The following DPP10 variants were observed in gnomAD, a reference collection of about 807,000 sequenced individuals.
The protein encoded by DPP10 is dipeptidyl peptidase like 10, also known as inactive dipeptidyl peptidase 10.
DPP10 carries 33 observed loss-of-function variants against 120.9 expected under a neutral mutation model. The observed-to-expected ratio is 0.27, with a 90% CI of 0.21 to 0.37. The LOEUF is 0.37. Among genes scored for constraint, DPP10 ranks in the 10% least tolerant of loss-of-function variants. DPP10 has a pLI of 1.00. For missense variants in DPP10, 816 were observed against 942.8 expected (o/e 0.87, Z 1.76); for synonymous variants, 337 against 326.1 (o/e 1.03, Z -0.36).
At chr2:115,137,253 T>C (rs2050693985) in intron 1 of DPP10, among the ~76,000 whole-genome samples, 1 of 152,164 alleles carries the variant, frequency 6.6e-6, no homozygotes, top group Non-Finnish European at 1.5e-5. Flanking sequence ...AATAAATAAA[T>C]AGAACTTTAG....
chr2:115,399,112 CTT>C (rs1031158316), intron 3 of DPP10, among the ~76,000 whole-genome samples: 5 of 152,114 alleles, frequency 3.3e-5, no homozygotes, highest in African/African-American at 4.8e-5. Context: ...GGTACCACCT[CTT>C]GTTTCATTGC....
chr2:115,159,789 T>C (rs1375705465), intron 1 of DPP10, among the ~76,000 whole-genome samples: 1 of 152,180 alleles, frequency 6.6e-6, no homozygotes, highest in East Asian at 1.9e-4. Flanking sequence ...TCTTTATTTG[T>C]AATGAAGTGG....
chr2:114,661,981 G>T (rs1477739533), intron 1 of DPP10, among the ~76,000 whole-genome samples: 2 of 151,298 alleles, frequency 1.3e-5, no homozygotes, highest in East Asian at 3.9e-4. Flanking sequence ...ACTCCAGCCT[G>T]AGCAACAAGA....
chr2:115,504,475 C>T (rs1240284252), intron 4 of DPP10, among the ~76,000 whole-genome samples: 1 of 151,732 alleles, frequency 6.6e-6, no homozygotes, highest in East Asian at 1.9e-4. Context: ...TTGCTAGATA[C>T]CTTCATATTT....
intron 1 of DPP10, among the ~76,000 whole-genome samples, chr2:115,086,491 C>A (rs1708712460): frequency 7.4e-6 from 1 of 135,392 alleles, no homozygotes. Context: ...GTCTCCCAGG[C>A]TGTCACCCAG....
intron 5 of DPP10, among the ~76,000 whole-genome samples, chr2:115,670,580 C>T (rs11895941): frequency 0.17 from 25,496 of 151,994 alleles, 3,148 homozygotes; most frequent in African/African-American, 0.35. Flanking sequence ...AATGTGACTA[C>T]GTTTAGAATC....
At chr2:114,836,234 C>T (rs1687723696) in intron 1 of DPP10, among the ~76,000 whole-genome samples, 1 of 152,094 alleles carries the variant, frequency 6.6e-6, no homozygotes, top group Non-Finnish European at 1.5e-5. Flanking sequence ...CATTTGTGAC[C>T]CATGTGTATT....
chr2:115,594,563 C>T (rs1183148768), intron 5 of DPP10, among the ~76,000 whole-genome samples: 1 of 152,164 alleles, frequency 6.6e-6, no homozygotes. Context: ...CTCATTAACA[C>T]TTTAGCTCTC....
intron 1 of DPP10, among the ~76,000 whole-genome samples, chr2:114,500,748 G>T (rs1683086815): frequency 6.6e-6 from 1 of 152,182 alleles, no homozygotes; most frequent in African/African-American, 2.4e-5. Context: ...TGATGTACTA[G>T]GAAACAAAAT....
chr2:115,070,767 A>G (rs941993250), intron 1 of DPP10, among the ~76,000 whole-genome samples: 6 of 152,188 alleles, frequency 3.9e-5, no homozygotes, highest in African/African-American at 1.4e-4. Context: ...AATTAAATAA[A>G]TATCATTTTA....
chr2:115,468,862 C>CT (rs1433728743), intron 3 of DPP10: 1 of 412,050 alleles, frequency 2.4e-6, no homozygotes, highest in African/African-American at 2.1e-5. Flanking sequence ...GCACTCAAGA[C>CT]TGCCACAGAA....
intron 1 of DPP10, among the ~76,000 whole-genome samples, chr2:114,473,061 G>A (rs533471414): frequency 3.0e-4 from 45 of 152,276 alleles, no homozygotes; most frequent in African/African-American, 1.0e-3. Context: ...CCAAATCTGG[G>A]TGGTGTGTGC....
intron 1 of DPP10, among the ~76,000 whole-genome samples, chr2:115,150,241 C>T (rs2051462467): frequency 6.6e-6 from 1 of 152,190 alleles, no homozygotes; most frequent in Non-Finnish European, 1.5e-5. Flanking sequence ...CTAGCACAAG[C>T]TGTGGGAAGC....
At chr2:114,928,751 C>T (rs994254333) in intron 1 of DPP10, among the ~76,000 whole-genome samples, 1 of 152,156 alleles carries the variant, frequency 6.6e-6, no homozygotes, top group Non-Finnish European at 1.5e-5. Context: ...CATTCCCATA[C>T]ATCTTCTGAA....
chr2:115,754,198 C>T (rs1163137607), intron 11 of DPP10, among the ~76,000 whole-genome samples: 1 of 152,044 alleles, frequency 6.6e-6, no homozygotes, highest in Non-Finnish European at 1.5e-5. Context: ...TCTAAGCAGA[C>T]AGGGAGAACC....
chr2:114,940,321 T>C (rs544148675), intron 1 of DPP10, among the ~76,000 whole-genome samples: 1 of 152,268 alleles, frequency 6.6e-6, no homozygotes, highest in African/African-American at 2.4e-5. Context: ...CTGACTATCT[T>C]GTTATGTTCC....
chr2:115,505,188 T>G lies in DPP10; in HGVS notation c.366+5584T>G, dbSNP rs550414450. On this transcript the variant is annotated intron_variant, in intron 4 of 25. Coordinates refer to ENST00000410059, the MANE Select transcript of DPP10 (RefSeq NM_020868.6). ...TTTATTATGCATATTGTTAAATGAG[T>G]AAGTCATCCTTATAAACAAAGTTAT... Among the ~76,000 whole-genome samples, 4 of 152,134 alleles carry G rather than the reference T, an allele frequency of 2.6e-5. No individual in the cohort carries two copies. In the South Asian group the frequency reaches 8.3e-4, roughly 32 times the overall value.
At chr2:115,059,290 G>C (rs1017088897) in intron 1 of DPP10, among the ~76,000 whole-genome samples, 1 of 150,416 alleles carries the variant, frequency 6.6e-6, no homozygotes, top group African/African-American at 2.4e-5. Context: ...GTTTTAAAGA[G>C]TCCCCCTCTT....
chr2:115,668,204 A>T (rs1196816934), intron 5 of DPP10, among the ~76,000 whole-genome samples: 1 of 151,992 alleles, frequency 6.6e-6, no homozygotes, highest in Non-Finnish European at 1.5e-5. Flanking sequence ...TCAGGTGCTG[A>T]GTGCTATGGT....
Sources: gnomAD v4.1 joint callset for allele counts (sites outside exome capture counted in the v4.1 genomes callset) on GRCh38, gnomAD v4.1.1 for gene constraint, MANE v1.5 for transcripts, NCBI Gene and HGNC (gene_info 2026-07-23, HGNC 2026-07-21) for gene names.